CACNA1D: variants seen among roughly 807,000 people sequenced by gnomAD.
CACNA1D encodes the protein calcium voltage-gated channel subunit alpha1 D.
CACNA1D carries 55 observed loss-of-function variants against 257.1 expected under a neutral mutation model. That is an observed-to-expected ratio of 0.21 (90% CI 0.17 to 0.27). The LOEUF (loss-of-function observed/expected upper bound fraction) is 0.27. Ranked by LOEUF, CACNA1D falls within the 10% of genes least tolerant of loss-of-function variation. The probability of loss-of-function intolerance (pLI) is 1.00; values close to 1 mark genes in which losing one functional copy is unlikely to be tolerated. For missense variants in CACNA1D, 1,876 were observed against 2,784.0 expected (o/e 0.67, Z 7.34); for synonymous variants, 980 against 1,014.9 (o/e 0.97, Z 0.65).
At chr3:53,667,879 T>G (rs927788266) in intron 7 of CACNA1D, among the ~76,000 whole-genome samples, 13 of 151,986 alleles carry the variant, frequency 8.6e-5, no homozygotes, top group Admixed American at 8.5e-4. Context: ...GTTATTTATA[T>G]TCATAAAACG....
intron 30 of CACNA1D, among the ~76,000 whole-genome samples, chr3:53,766,592 A>G (rs2095333692): frequency 6.6e-6 from 1 of 152,166 alleles, no homozygotes; most frequent in Non-Finnish European, 1.5e-5. Flanking sequence ...TTTGACTTCC[A>G]CGGTTGCAGG....
chr3:53,722,718 A>C (rs1314194538), intron 12 of CACNA1D, among the ~76,000 whole-genome samples: 1 of 152,214 alleles, frequency 6.6e-6, no homozygotes, highest in East Asian at 1.9e-4. Context: ...GAGCCAACCT[A>C]GGACCAAGAA....
chr3:53,700,554 C>T (rs1234697204), intron 8 of CACNA1D, among the ~76,000 whole-genome samples: 1 of 152,162 alleles, frequency 6.6e-6, no homozygotes, highest in African/African-American at 2.4e-5. Flanking sequence ...CAGGAAACCC[C>T]GGAGGCCTAG....
intron 3 of CACNA1D, among the ~76,000 whole-genome samples, chr3:53,532,403 A>G (rs1443540551): frequency 6.6e-6 from 1 of 152,232 alleles, no homozygotes; most frequent in East Asian, 1.9e-4. Flanking sequence ...CAATCACACC[A>G]TAGGGCTGAT....
chr3:53,790,260 C>G (rs1177778411), intron 40 of CACNA1D, among the ~76,000 whole-genome samples: 1 of 152,190 alleles, frequency 6.6e-6, no homozygotes, highest in Admixed American at 6.5e-5. Context: ...AGTCCTCCTC[C>G]CAGCAGACAG....
rs1351513789 is a variant in CACNA1D, at chr3:53,789,801, C to T, written c.4923+2849C>T. ...GGGCCCAAGACCTCTGCGCCCCCAC[C>T]CCCAGGGAATGTTTTTTCAAGGACA... On this transcript the variant is annotated intron_variant, in intron 40 of 47. Coordinates refer to ENST00000350061, the MANE Select transcript of CACNA1D (RefSeq NM_001128840.3). This position sits in a 1 kb window ranked among gnomAD's most constrained non-coding sequence, Gnocchi z 4.2. Among the ~76,000 whole-genome samples, 1 of 152,214 alleles carries T rather than the reference C, an allele frequency of 6.6e-6. No individual in the cohort carries two copies. Among genetic ancestry groups the T allele is most frequent in the Admixed American group, 6.5e-5 (1 of 15,282 alleles).
At chr3:53,616,768 C>T (rs1164609410) in intron 3 of CACNA1D, among the ~76,000 whole-genome samples, 1 of 152,084 alleles carries the variant, frequency 6.6e-6, no homozygotes, top group East Asian at 1.9e-4. Flanking sequence ...AACTCAGAAG[C>T]ATGCCAGCTT....
chr3:53,804,343 G>C (rs2095551077), intron 44 of CACNA1D, among the ~76,000 whole-genome samples: 1 of 152,192 alleles, frequency 6.6e-6, no homozygotes, highest in South Asian at 2.1e-4. Context: ...TGAGCCAGAT[G>C]AACTCGTGTT....
intron 3 of CACNA1D, among the ~76,000 whole-genome samples, chr3:53,545,425 G>A (rs915825776): frequency 5.3e-5 from 8 of 152,180 alleles, no homozygotes; most frequent in Non-Finnish European, 1.0e-4. Flanking sequence ...TGTGTAAAAC[G>A]GATGTACCTC....
intron 7 of CACNA1D, among the ~76,000 whole-genome samples, chr3:53,670,221 T>C (rs992655811): frequency 2.6e-5 from 4 of 152,158 alleles, no homozygotes; most frequent in African/African-American, 7.2e-5. Context: ...CTTTTTCTTA[T>C]TGCATGCTCT....
chr3:53,644,609 T>C (rs1179537398), intron 3 of CACNA1D, among the ~76,000 whole-genome samples: 3 of 152,238 alleles, frequency 2.0e-5, no homozygotes, highest in Admixed American at 1.3e-4. Flanking sequence ...CTTAGCATAG[T>C]GTCCTCTAGG....
chr3:53,598,531 A>G (rs2093400418), intron 3 of CACNA1D, among the ~76,000 whole-genome samples: 1 of 151,574 alleles, frequency 6.6e-6, no homozygotes, highest in Non-Finnish European at 1.5e-5. Flanking sequence ...GTCGTAGTGA[A>G]CTGAGATTGC....
intron 3 of CACNA1D, among the ~76,000 whole-genome samples, chr3:53,604,755 A>G (rs2093486622): frequency 6.6e-6 from 1 of 152,204 alleles, no homozygotes; most frequent in African/African-American, 2.4e-5. Flanking sequence ...CCTTGGTATT[A>G]GTAGGAGGGG....
Position 53,526,973 on chromosome 3 carries a change from C to T in CACNA1D, c.483+25253C>T, listed in dbSNP as rs545041732. On this transcript the variant is annotated intron_variant, in intron 3 of 47. Coordinates refer to ENST00000350061, the MANE Select transcript of CACNA1D (RefSeq NM_001128840.3). Reference sequence around the variant, plus strand: ...GAAAATCTTTCCTCCACTGCCCACCCACACTTGGATTTTGAGAACTGCATC... The same window carrying T: ...GAAAATCTTTCCTCCACTGCCCACCTACACTTGGATTTTGAGAACTGCATC... Among the ~76,000 whole-genome samples, 4 of 152,322 alleles carry T rather than the reference C, an allele frequency of 2.6e-5. No homozygotes were observed. In the South Asian group the frequency reaches 6.2e-4, roughly 24 times the overall value.
chr3:53,585,014 C>T (rs2093190289), intron 3 of CACNA1D, among the ~76,000 whole-genome samples: 3 of 148,718 alleles, frequency 2.0e-5, no homozygotes, highest in Middle Eastern at 3.6e-3. Context: ...TTTCTTTATG[C>T]TACTTGTTCT....
intron 3 of CACNA1D, among the ~76,000 whole-genome samples, chr3:53,575,819 C>T (rs984521759): frequency 3.3e-5 from 5 of 152,212 alleles, no homozygotes; most frequent in African/African-American, 1.2e-4. Context: ...TGAGCATGTG[C>T]TGAGATCTGG....
chr3:53,616,595 TTACAGCAGGCC>T (rs2093639785), intron 3 of CACNA1D, among the ~76,000 whole-genome samples: 2 of 152,210 alleles, frequency 1.3e-5, no homozygotes, highest in Non-Finnish European at 2.9e-5. Flanking sequence ...TGCTTGCCTG[TTACAGCAGGCC>T]TAGGAGGAAA....
At chr3:53,510,050 G>A (rs1005246935) in intron 3 of CACNA1D, among the ~76,000 whole-genome samples, 2 of 152,126 alleles carry the variant, frequency 1.3e-5, no homozygotes, top group Admixed American at 1.3e-4. Context: ...TTGGAAAACA[G>A]CCAGATTTGT....
At chr3:53,803,110 C>A (rs2095544350) in intron 43 of CACNA1D, among the ~76,000 whole-genome samples, 2 of 152,092 alleles carry the variant, frequency 1.3e-5, no homozygotes, top group African/African-American at 4.8e-5. Flanking sequence ...TCCCTAGGTC[C>A]ATTTTTTTGT....
Sources: gnomAD v4.1 joint callset for allele counts (sites outside exome capture counted in the v4.1 genomes callset) on GRCh38, gnomAD v4.1.1 for gene constraint, Gnocchi (gnomAD v3.1) non-coding constraint, MANE v1.5 for transcripts, NCBI Gene and HGNC (gene_info 2026-07-23, HGNC 2026-07-21) for gene names.